The following KIAA2012 variants were observed in gnomAD, a reference collection of about 807,000 sequenced individuals.
The protein encoded by KIAA2012 is KIAA2012.
Under a neutral mutation model 150.6 loss-of-function variants are expected in KIAA2012, and 125 were observed. The observed-to-expected ratio is 0.83, with a 90% CI of 0.72 to 0.96. The LOEUF (loss-of-function observed/expected upper bound fraction) is 0.96, where lower values mean the gene tolerates loss of function less well. Ranked by LOEUF, KIAA2012 falls within the 40% of genes least tolerant of loss-of-function variation. The pLI, the probability that KIAA2012 is intolerant of heterozygous loss-of-function variation, is 0.00. For synonymous variants in KIAA2012, 462 were observed against 504.7 expected (o/e 0.92, Z 1.13); for missense variants, 1,219 against 1,354.9 (o/e 0.90, Z 1.57).
At chr2:202,109,861 G>A in intron 10 of KIAA2012, 72 bp downstream of exon 10, 1 of 1,355,776 alleles carries the variant, frequency 7.4e-7, no homozygotes, top group East Asian at 2.6e-5. Flanking sequence ...CCGCATGGCT[G>A]CTATGATGTA....
intron 15 of KIAA2012, among the ~76,000 whole-genome samples, chr2:202,178,486 T>C (rs1692043837): frequency 1.3e-5 from 2 of 152,176 alleles, no homozygotes; most frequent in African/African-American, 4.8e-5. Flanking sequence ...CTAATCACAA[T>C]GGAAGTTTCA....
At chr2:202,136,302 G>A (rs11893258) in intron 12 of KIAA2012, 203 of 159,412 alleles carry the variant, frequency 1.3e-3, no homozygotes, top group African/African-American at 4.7e-3. Context: ...AGACCTTCGC[G>A]GTGAGTGTTA....
chr2:202,096,305 C>A (rs1165611589), intron 4 of KIAA2012, among the ~76,000 whole-genome samples: 1 of 151,966 alleles, frequency 6.6e-6, no homozygotes, highest in Non-Finnish European at 1.5e-5. Context: ...TAGGAGCAGG[C>A]CTAATGTAGC....
intron 13 of KIAA2012, among the ~76,000 whole-genome samples, chr2:202,147,450 G>A (rs1243413549): frequency 6.6e-6 from 1 of 152,220 alleles, no homozygotes; most frequent in Non-Finnish European, 1.5e-5. Context: ...GGAAAATGTA[G>A]AGGTCGGAGG....
chr2:202,149,973 C>CT (rs1691388200), intron 13 of KIAA2012, among the ~76,000 whole-genome samples: 1 of 152,200 alleles, frequency 6.6e-6, no homozygotes, highest in South Asian at 2.1e-4. Flanking sequence ...TGGATGTTCT[C>CT]TTTAAGTTTT....
At chr2:202,151,484 C>G (rs1374898530) in intron 13 of KIAA2012, among the ~76,000 whole-genome samples, 6 of 150,876 alleles carry the variant, frequency 4.0e-5, no homozygotes, top group Non-Finnish European at 8.8e-5. Flanking sequence ...AAGATAGATT[C>G]ATCCAGGGCT....
chr2:202,138,467 C>T lies in KIAA2012; in HGVS notation c.1867C>T (p.Leu623Phe), dbSNP rs1232624076. Residue 623 changes from leucine to phenylalanine, a missense_variant, in exon 13 of 24, where the codon CTT (leucine) becomes TTT (phenylalanine). Leu to Phe is a conservative substitution (Grantham distance 22). Coordinates refer to ENST00000498697, the MANE Select transcript of KIAA2012 (RefSeq NM_001277372.4). The stretch of plus-strand genomic sequence containing the variant: ...ACCTAGAGCCAATCTTCACATGAAC[C>T]TTTATGAAACCTCACCGTTGACCCA... Reference protein sequence around the residue: ...TEPRANLHMNLYETSPLTQTT... With the variant: ...TEPRANLHMNFYETSPLTQTT... The T allele has an allele frequency of 2.6e-6, 4 of 1,550,464 alleles. No homozygotes were observed. Among genetic ancestry groups the T allele is most frequent in the Non-Finnish European group, 3.5e-6 (4 of 1,146,962 alleles).
At chr2:202,196,699 C>G (rs1692421064) in intron 21 of KIAA2012, 101 bp from the exon 22 acceptor site, 1 of 1,456,602 alleles carries the variant, frequency 6.9e-7, no homozygotes, top group Non-Finnish European at 9.1e-7. Context: ...CAAAATTTCT[C>G]ACGGGGAGTC....
At chr2:202,103,187 T>C (rs1690096099) in intron 8 of KIAA2012, 73 bp downstream of exon 8, 1 of 1,422,630 alleles carries the variant, frequency 7.0e-7, no homozygotes, top group Non-Finnish European at 9.5e-7. Context: ...TACATGCTCC[T>C]ACATCATGGC....
At chr2:202,078,480 G>C (rs543246408) in intron 2 of KIAA2012, among the ~76,000 whole-genome samples, 2 of 152,070 alleles carry the variant, frequency 1.3e-5, no homozygotes, top group African/African-American at 4.8e-5. Flanking sequence ...GTAGAGATGG[G>C]GTCTAGCTCT....
intron 11 of KIAA2012, chr2:202,114,200 C>T (rs1353027469): frequency 1.3e-5 from 2 of 152,402 alleles, no homozygotes; most frequent in Non-Finnish European, 2.9e-5. Context: ...GAGTCAGTCC[C>T]TCATCCTCCC....
chr2:202,104,508 T>G lies in KIAA2012; in HGVS notation c.1325-1253T>G, dbSNP rs1690130984. On this transcript the variant is annotated intron_variant, in intron 8 of 23. Coordinates refer to ENST00000498697, the MANE Select transcript of KIAA2012 (RefSeq NM_001277372.4). This position sits in a 1 kb window ranked among gnomAD's most constrained non-coding sequence, Gnocchi z 4.3. ...AGGGAGCACAGGCAAGAGGCTGTATTGTGGTTTTCACAGAAGGAATATGGG... is the reference window on the plus strand; with the variant it reads ...AGGGAGCACAGGCAAGAGGCTGTATGGTGGTTTTCACAGAAGGAATATGGG... Among the ~76,000 whole-genome samples, 1 of 152,150 alleles carries G rather than the reference T, an allele frequency of 6.6e-6. No individual in the cohort carries two copies. Among genetic ancestry groups the G allele is most frequent in the African/African-American group, 2.4e-5 (1 of 41,418 alleles).
At chr2:202,151,478 T>C (rs1216430196) in intron 13 of KIAA2012, among the ~76,000 whole-genome samples, 1 of 151,052 alleles carries the variant, frequency 6.6e-6, no homozygotes, top group Non-Finnish European at 1.5e-5. Flanking sequence ...TTGCTAAAGA[T>C]AGATTCATCC....
At chr2:202,081,970 T>C (rs554255949) in intron 2 of KIAA2012, among the ~76,000 whole-genome samples, 1 of 152,296 alleles carries the variant, frequency 6.6e-6, no homozygotes, top group South Asian at 2.1e-4. Context: ...ACACATTACC[T>C]GTCTGACCTG....
chr2:202,075,707 A>T (rs553984414), intron 2 of KIAA2012, among the ~76,000 whole-genome samples: 1 of 152,308 alleles, frequency 6.6e-6, no homozygotes, highest in Admixed American at 6.5e-5. Flanking sequence ...CATACTTCCT[A>T]ATGTCTTGTG....
chr2:202,102,245 T>A (rs1690062696), intron 7 of KIAA2012, among the ~76,000 whole-genome samples: 1 of 152,130 alleles, frequency 6.6e-6, no homozygotes, highest in Non-Finnish European at 1.5e-5. Context: ...AAGTTGCTGA[T>A]TCTGACACAC....
intron 8 of KIAA2012, 35 bp from the exon 9 acceptor site, chr2:202,105,726 C>G: frequency 6.5e-7 from 1 of 1,543,642 alleles, no homozygotes; most frequent in South Asian, 1.2e-5. Flanking sequence ...AACAACAGAC[C>G]TCTGCTACAA....
intron 10 of KIAA2012, 106 bp downstream of exon 10, chr2:202,109,895 GA>G (rs1256555664): frequency 4.0e-6 from 4 of 999,344 alleles, no homozygotes; most frequent in Non-Finnish European, 5.7e-6. Context: ...GCATTCCATT[GA>G]AAAGGGGTAA....
chr2:202,197,081 G>A lies in KIAA2012; in HGVS notation c.3407+62G>A, dbSNP rs563303218. 1.3e-4 allele frequency: 200 copies of A among 1,546,356 alleles called. 1 individual carries two copies. In the South Asian group the frequency reaches 2.3e-3, roughly 18 times the overall value. On this transcript the variant is annotated intron_variant, in intron 22 of 23. Transcript: ENST00000498697. Reference sequence around the variant, plus strand: ...TGGTTCAAGGGCTTCACTGTCCAGTGCTAGTGCTAGCTTTGCACTGCCTTT... The same window carrying A: ...TGGTTCAAGGGCTTCACTGTCCAGTACTAGTGCTAGCTTTGCACTGCCTTT...
Sources: allele counts gnomAD v4.1 joint callset (sites outside exome capture counted in the v4.1 genomes callset), GRCh38; gene constraint gnomAD v4.1.1; non-coding constraint Gnocchi (gnomAD v3.1); transcripts MANE v1.5; gene names NCBI Gene and HGNC (gene_info 2026-07-23, HGNC 2026-07-21).